PLXNA4: variants seen among roughly 807,000 people sequenced by gnomAD.
PLXNA4 encodes the protein plexin-A4.
Under a neutral mutation model 191.8 loss-of-function variants are expected in PLXNA4, and 44 were observed. The ratio of observed to expected loss-of-function variants is 0.23; its 90% CI spans 0.18 to 0.29. The LOEUF (loss-of-function observed/expected upper bound fraction) is 0.29. Ranked by LOEUF, PLXNA4 falls within the 10% of genes least tolerant of loss-of-function variation. PLXNA4 has a pLI of 1.00. For missense variants in PLXNA4, 1,800 were observed against 2,488.8 expected (o/e 0.72, Z 5.89); for synonymous variants, 1,082 against 1,009.5 (o/e 1.07, Z -1.36).
intron 2 of PLXNA4, among the ~76,000 whole-genome samples, chr7:132,602,466 G>A (rs1802839235): frequency 6.6e-6 from 1 of 152,070 alleles, no homozygotes; most frequent in Non-Finnish European, 1.5e-5. Context: ...TGTTGTTATG[G>A]GGAGTTTCTC....
chr7:132,421,730 C>A (rs1210904719), intron 3 of PLXNA4, among the ~76,000 whole-genome samples: 1 of 151,826 alleles, frequency 6.6e-6, no homozygotes, highest in African/African-American at 2.4e-5. Flanking sequence ...TATTATTATC[C>A]CAATTAATAA....
chr7:132,377,964 G>A (rs867712484), intron 3 of PLXNA4, among the ~76,000 whole-genome samples: 5 of 152,116 alleles, frequency 3.3e-5, no homozygotes, highest in Middle Eastern at 3.2e-3. Flanking sequence ...AATGGATAGG[G>A]CTTTCAGGAG....
At chr7:132,587,020 G>A (rs558817828) in intron 2 of PLXNA4, among the ~76,000 whole-genome samples, 16 of 152,320 alleles carry the variant, frequency 1.1e-4, no homozygotes, top group African/African-American at 3.6e-4. Flanking sequence ...ATCGTAAGCT[G>A]TATTAAAAGA....
At chr7:132,170,347 G>A (rs1452337461) in intron 21 of PLXNA4, among the ~76,000 whole-genome samples, 2 of 152,166 alleles carry the variant, frequency 1.3e-5, no homozygotes, top group Non-Finnish European at 2.9e-5. Context: ...AAGGGTGGAA[G>A]GAGGTCATAA....
chr7:132,494,480 C>T (rs1234709664), intron 2 of PLXNA4, among the ~76,000 whole-genome samples: 1 of 152,134 alleles, frequency 6.6e-6, no homozygotes, highest in East Asian at 1.9e-4. Context: ...GAGGGCACTA[C>T]AGAACACAGC....
At chr7:132,223,989 CAA>C (rs1188989871) in intron 8 of PLXNA4, among the ~76,000 whole-genome samples, 1 of 152,098 alleles carries the variant, frequency 6.6e-6, no homozygotes, top group East Asian at 1.9e-4. Flanking sequence ...TTGGGGCAAA[CAA>C]AAGATTAGGT....
chr7:132,554,840 C>T (rs1234989763), intron 1 of PLXNA4, among the ~76,000 whole-genome samples: 2 of 152,190 alleles, frequency 1.3e-5, no homozygotes, highest in Non-Finnish European at 2.9e-5. Flanking sequence ...GAACACACCT[C>T]TCTGGTCTCT....
At chr7:132,203,455 G>A in intron 10 of PLXNA4, 36 bp from the exon 11 acceptor site, 1 of 1,588,476 alleles carries the variant, frequency 6.3e-7, no homozygotes, top group Non-Finnish European at 8.6e-7. Context: ...AGAAGAAAGT[G>A]GGGTCACAGA....
At chr7:132,539,077 C>T (rs949505563) in intron 1 of PLXNA4, among the ~76,000 whole-genome samples, 1 of 152,210 alleles carries the variant, frequency 6.6e-6, no homozygotes, top group Non-Finnish European at 1.5e-5. Context: ...ACCCTCCTTG[C>T]TCTTCTCTCT....
intron 6 of PLXNA4, 22 bp from the exon 7 acceptor site, chr7:132,227,626 G>A (rs775712581): frequency 1.2e-6 from 2 of 1,613,986 alleles, no homozygotes; most frequent in African/African-American, 2.7e-5. Context: ...CAGGCGGGGG[G>A]AGAGAAGGAG....
intron 1 of PLXNA4, among the ~76,000 whole-genome samples, chr7:132,522,442 C>G (rs1168887616): frequency 1.3e-5 from 2 of 152,202 alleles, no homozygotes; most frequent in Non-Finnish European, 2.9e-5. Flanking sequence ...CTCTATGCCT[C>G]AGATCTTCAG....
At position 132,311,514 on chromosome 7, in the gene PLXNA4, C is replaced by T. The variant is rs565936298; in HGVS notation, c.1372-13292G>A. Among the ~76,000 whole-genome samples, 390 of 152,286 alleles carry T rather than the reference C, an allele frequency of 2.6e-3. 1 individual carries two copies. The highest frequency in any genetic ancestry group is 5.8e-3 in the South Asian group (28 of 4,824). On this transcript the variant is annotated intron_variant, in intron 3 of 31. Transcript: ENST00000321063. ...CCACACTGAAGTTTACATTTTCTGG[C>T]TTCAAACCTGTACTCAGCAACAATT...
chr7:132,429,739 A>T (rs560857772), intron 3 of PLXNA4, among the ~76,000 whole-genome samples: 12 of 152,344 alleles, frequency 7.9e-5, no homozygotes, highest in Non-Finnish European at 1.6e-4. Context: ...TTCTCTGATT[A>T]TTCCACACCC....
At chr7:132,571,025 T>C (rs1173122035) in intron 1 of PLXNA4, among the ~76,000 whole-genome samples, 3 of 152,112 alleles carry the variant, frequency 2.0e-5, no homozygotes, top group African/African-American at 7.2e-5. Flanking sequence ...GGACAGAACT[T>C]TTACTCACCT....
intron 3 of PLXNA4, among the ~76,000 whole-genome samples, chr7:132,310,094 C>T (rs561095901): frequency 2.0e-5 from 3 of 152,270 alleles, no homozygotes; most frequent in Non-Finnish European, 2.9e-5. Flanking sequence ...CAACCAAGCT[C>T]GACTGCTGAT....
rs1802311855 is a variant in PLXNA4 at position 132,325,190 on chromosome 7, G to A, written c.1372-26968C>T. On this transcript the variant is annotated intron_variant, in intron 3 of 31. Transcript: ENST00000321063. ...ATTTTACCACCCAACTGTTCAAGTG[G>A]CTTCTAGGGTGCCTAACAGTTTCTC... 3.9e-5 allele frequency among the ~76,000 whole-genome samples: 6 copies of A among 152,334 alleles called. No homozygotes were observed. The South Asian group carries it at 1.2e-3, about 32-fold the overall frequency.
intron 4 of PLXNA4, among the ~76,000 whole-genome samples, chr7:132,252,992 G>A (rs1234987160): frequency 2.0e-5 from 3 of 152,154 alleles, no homozygotes; most frequent in Non-Finnish European, 2.9e-5. Flanking sequence ...AAAGACAACT[G>A]TGCAGCTGTG....
At chr7:132,594,446 C>T (rs1389523238) in intron 2 of PLXNA4, among the ~76,000 whole-genome samples, 4 of 152,202 alleles carry the variant, frequency 2.6e-5, no homozygotes, top group Admixed American at 1.3e-4. Context: ...CTAAGCCACT[C>T]GGTTTGTGAT....
At chr7:132,443,855 C>T (rs988597142) in intron 3 of PLXNA4, among the ~76,000 whole-genome samples, 3 of 152,178 alleles carry the variant, frequency 2.0e-5, no homozygotes, top group Non-Finnish European at 4.4e-5. Context: ...TGTGTGCTTC[C>T]ATTCCAAGCA....
Sources: allele counts gnomAD v4.1 joint callset (sites outside exome capture counted in the v4.1 genomes callset), GRCh38; gene constraint gnomAD v4.1.1; transcripts MANE v1.5; gene names NCBI Gene and HGNC (gene_info 2026-07-23, HGNC 2026-07-21).